The following ETV1 variants were observed in gnomAD, a reference collection of about 807,000 sequenced individuals.
ETV1 encodes ETS variant transcription factor 1.
In ETV1, 27 loss-of-function variants were observed where a neutral mutation model predicts 62.3. The observed-to-expected ratio is 0.43, with a 90% CI of 0.32 to 0.60. The LOEUF (loss-of-function observed/expected upper bound fraction) is 0.60, where lower values mean the gene tolerates loss of function less well. Among genes scored for constraint, ETV1 ranks in the 20% least tolerant of loss-of-function variants. The pLI is 0.06. For missense variants in ETV1, 605 were observed against 605.8 expected (o/e 1.00, Z 0.01); for synonymous variants, 222 against 199.6 (o/e 1.11, Z -0.94).
chr7:13,986,746 G>C (rs1782588214), intron 4 of ETV1, 61 bp from the exon 5 acceptor site: 1 of 1,170,372 alleles, frequency 8.5e-7, no homozygotes, highest in African/African-American at 1.6e-5. Flanking sequence ...TCATTAAATG[G>C]AAATATTTGT....
At chr7:13,981,258 C>T (rs530189262) in intron 5 of ETV1, among the ~76,000 whole-genome samples, 3 of 152,196 alleles carry the variant, frequency 2.0e-5, no homozygotes, top group Admixed American at 6.5e-5. Flanking sequence ...GTGAATGAGA[C>T]AGCTGATCTC....
chr7:13,899,526 AACTGGT>A (rs1782195832), intron 13 of ETV1, among the ~76,000 whole-genome samples: 5 of 152,218 alleles, frequency 3.3e-5, no homozygotes, highest in African/African-American at 4.8e-5. Context: ...TTCATGTAGC[AACTGGT>A]CTAGTTTTTC....
At chr7:13,950,585 G>A (rs1004898804) in intron 6 of ETV1, among the ~76,000 whole-genome samples, 8 of 152,138 alleles carry the variant, frequency 5.3e-5, no homozygotes, top group Non-Finnish European at 1.2e-4. Flanking sequence ...TAAGGCAGCT[G>A]TTTCTCAAAA....
chr7:13,915,877 C>G (rs1344090172), intron 9 of ETV1, among the ~76,000 whole-genome samples: 1 of 151,950 alleles, frequency 6.6e-6, no homozygotes, highest in African/African-American at 2.4e-5. Context: ...GCAAAAAAGT[C>G]AAGTTTTATA....
chr7:13,949,548 C>T (rs1294127462), intron 6 of ETV1, among the ~76,000 whole-genome samples: 1 of 152,082 alleles, frequency 6.6e-6, no homozygotes, highest in African/African-American at 2.4e-5. Context: ...CTCTTCCAAG[C>T]CCTCCCCACC....
In ETV1 at chr7:13,935,837, C is replaced by T; in HGVS notation, c.425G>A (p.Ser142Asn). Residue 142 changes from serine (S) to asparagine (N), a missense_variant, in exon 8 of 14, where the codon AGC (serine) becomes AAC (asparagine). By Grantham distance (46) the Ser-to-Asn change is conservative. Transcript: ENST00000430479. ...MRPSNPPTPS[S>N]TPVSPLHHAS... ...ATGATGCAGTGGGGACACTGGCGTG[C>T]TGGATGGTGTGGGGGGGTTGGAGGG... is the stretch of plus-strand genomic sequence containing the variant. The T allele has an allele frequency of 6.2e-7, 1 of 1,613,778 alleles. No individual in the cohort carries two copies. The highest frequency in any genetic ancestry group is 1.1e-5 in the South Asian group (1 of 91,078).
intron 6 of ETV1, among the ~76,000 whole-genome samples, chr7:13,942,831 A>G (rs992509945): frequency 7.9e-5 from 12 of 152,206 alleles, no homozygotes; most frequent in African/African-American, 2.9e-4. Context: ...AGTATGATGT[A>G]AAGTTTATCA....
chr7:13,919,876 CA>C (rs1480781768), intron 9 of ETV1, among the ~76,000 whole-genome samples: 1 of 151,136 alleles, frequency 6.6e-6, no homozygotes, highest in Non-Finnish European at 1.5e-5. Flanking sequence ...CAAAAACACA[CA>C]AAGACACACA....
intron 5 of ETV1, among the ~76,000 whole-genome samples, chr7:13,978,277 A>C (rs1207750927): frequency 2.0e-5 from 3 of 152,134 alleles, no homozygotes; most frequent in African/African-American, 7.2e-5. Flanking sequence ...GCAGCAATCA[A>C]AACACAAGTG....
intron 12 of ETV1, among the ~76,000 whole-genome samples, chr7:13,901,064 G>A (rs183803392): frequency 6.6e-6 from 1 of 151,328 alleles, no homozygotes; most frequent in Non-Finnish European, 1.5e-5. Context: ...GAGTGCAGTG[G>A]CGCGAACTTG....
chr7:13,925,893 T>C (rs906538760), intron 9 of ETV1, among the ~76,000 whole-genome samples: 1 of 151,946 alleles, frequency 6.6e-6, no homozygotes, highest in Non-Finnish European at 1.5e-5. Flanking sequence ...TTCTGTTTGA[T>C]TAGGAAAGCA....
At chr7:13,904,676 T>G (rs1011510403) in intron 12 of ETV1, among the ~76,000 whole-genome samples, 12 of 152,104 alleles carry the variant, frequency 7.9e-5, no homozygotes. Context: ...AATAACTGTT[T>G]AACTGATACA....
At chr7:13,988,595 G>GAAAAAAAAAAAAAAAAAAAAAAAAAA (rs34468165) in intron 3 of ETV1, 3 of 811,102 alleles carry the variant, frequency 3.7e-6, no homozygotes, top group African/African-American at 3.8e-5. Flanking sequence ...GTAGAGAAAT[G>GAAAAAAAAAAAAAAAAAAAAAAAAAA]AAAAAAAAAA....
At chr7:13,947,938 C>A (rs1788364058) in intron 6 of ETV1, among the ~76,000 whole-genome samples, 1 of 152,118 alleles carries the variant, frequency 6.6e-6, no homozygotes, top group Non-Finnish European at 1.5e-5. Context: ...AGACATTAGG[C>A]AGTATTCTTT....
intron 6 of ETV1, among the ~76,000 whole-genome samples, chr7:13,970,872 T>C (rs1293496311): frequency 2.0e-5 from 3 of 152,174 alleles, no homozygotes; most frequent in Non-Finnish European, 4.4e-5. Flanking sequence ...TGACTTCAGT[T>C]TTTTTAGAAG....
At chr7:13,944,557 G>A (rs1259131193) in intron 6 of ETV1, among the ~76,000 whole-genome samples, 1 of 152,046 alleles carries the variant, frequency 6.6e-6, no homozygotes, top group African/African-American at 2.4e-5. Context: ...CTGGGGCGGG[G>A]GTGGTGAGAC....
In ETV1 at chr7:13,906,325, G is replaced by A. The variant is rs891005056; in HGVS notation, c.1110+105C>T. ...TTTTAATTCAGAAAGTTTCCCTAAA[G>A]TCTTGAAATGATTAAGAATACATTT... On this transcript the variant is annotated intron_variant, in intron 12 of 13. Coordinates refer to ENST00000430479, the MANE Select transcript of ETV1 (RefSeq NM_004956.5). 3.1e-5 allele frequency: 24 copies of A among 768,002 alleles called. No homozygotes were observed. In the Middle Eastern group the frequency reaches 9.1e-4, roughly 29 times the overall value. 47.6% of individuals were successfully genotyped at this position (768,002 alleles called of 1,614,324 possible).
intron 9 of ETV1, 62 bp from the exon 10 acceptor site, chr7:13,911,369 G>T (rs370981300): frequency 1.8e-6 from 2 of 1,120,676 alleles, no homozygotes; most frequent in South Asian, 1.3e-5. Context: ...GGTTATCAAT[G>T]GACAGGGTGC....
intron 6 of ETV1, among the ~76,000 whole-genome samples, chr7:13,976,959 A>G (rs902566747): frequency 3.9e-5 from 6 of 152,232 alleles, no homozygotes; most frequent in African/African-American, 1.4e-4. Context: ...TCATGAATGT[A>G]CAATACTACA....
Sources: allele counts gnomAD v4.1 joint callset (sites outside exome capture counted in the v4.1 genomes callset), GRCh38; gene constraint gnomAD v4.1.1; transcripts MANE v1.5; gene names NCBI Gene and HGNC (gene_info 2026-07-23, HGNC 2026-07-21).